The following TLDC2 variants were observed in gnomAD, a reference collection of about 807,000 sequenced individuals.
The protein encoded by TLDC2 is TBC/LysM-associated domain containing 2, also known as TLD domain-containing protein 2.
A neutral mutation model predicts 27.9 loss-of-function variants in TLDC2; 23 were observed. That is an observed-to-expected ratio of 0.82 (90% CI 0.59 to 1.17). The LOEUF (loss-of-function observed/expected upper bound fraction) is 1.17. Among genes scored for constraint, TLDC2 ranks in the 50% most tolerant of loss-of-function variants. TLDC2 has a pLI of 0.00. For synonymous variants in TLDC2, 124 were observed against 107.4 expected (o/e 1.16, Z -0.96); for missense variants, 286 against 273.4 (o/e 1.05, Z -0.32).
At chr20:36,876,687 ACACTCAAATG>A (rs912784504) in intron 1 of TLDC2, among the ~76,000 whole-genome samples, 13 of 151,938 alleles carry the variant, frequency 8.6e-5, no homozygotes, top group African/African-American at 2.4e-4. Context: ...ACACTCAAAC[ACACTCAAATG>A]CACTCATACA....
chr20:36,891,195 T>A (rs1289770418), intron 6 of TLDC2: 1 of 152,238 alleles, frequency 6.6e-6, no homozygotes, highest in Non-Finnish European at 1.5e-5. Context: ...CTCTTATGAA[T>A]TGTAACCAAC....
intron 4 of TLDC2, among the ~76,000 whole-genome samples, chr20:36,881,610 G>A (rs1055203097): frequency 6.6e-6 from 1 of 152,210 alleles, no homozygotes; most frequent in Non-Finnish European, 1.5e-5. Flanking sequence ...AGCAGAGAGT[G>A]GACAGCCAGG....
At chr20:36,880,454 A>G (rs1989788506) in intron 3 of TLDC2, among the ~76,000 whole-genome samples, 1 of 152,104 alleles carries the variant, frequency 6.6e-6, no homozygotes, top group Admixed American at 6.6e-5. Context: ...GGAAGGCAGC[A>G]GGAGTTCTTC....
In TLDC2 at chr20:36,893,488, A is replaced by G; in HGVS notation, c.*644A>G. The stretch of plus-strand genomic sequence containing the variant: ...GATGGCAAAGAAGGGGAGGAAGAAC[A>G]GTATGTACCTGCAGAATTTAAATTT... On this transcript the variant is annotated 3_prime_UTR_variant, in exon 7 of 7. Coordinates refer to ENST00000217320, the MANE Select transcript of TLDC2 (RefSeq NM_080628.3). 3.6e-6 allele frequency: 1 copy of G among 276,680 alleles called. No individual in the cohort carries two copies. The highest frequency in any genetic ancestry group is 6.8e-6 in the Non-Finnish European group (1 of 147,416). 17.1% of individuals were successfully genotyped at this position (276,680 alleles called of 1,614,324 possible). A position where few individuals can be genotyped will look rare whatever the true frequency, so the allele number is the denominator to read the frequency against.
chr20:36,888,502 C>T (rs1298348), intron 5 of TLDC2, among the ~76,000 whole-genome samples: 1 of 150,196 alleles, frequency 6.7e-6, no homozygotes, highest in African/African-American at 2.4e-5. Flanking sequence ...GTCAGGAGAT[C>T]GAGACCGTCC....
intron 6 of TLDC2, chr20:36,892,446 T>C (rs1306854080): frequency 5.1e-6 from 1 of 194,592 alleles, no homozygotes; most frequent in African/African-American, 2.4e-5. Flanking sequence ...TTCCAATTTG[T>C]ACCCTTGTCT....
At position 36,877,961 on chromosome 20, in the gene TLDC2, G is replaced by A; in HGVS notation, c.96G>A (p.Glu32=). ...GTAACGAAGAGGAAGAGGAGGAGGA[G>A]GCAGCTCCAGACCCAGCTGCTGCTC... The part of the protein sequence containing the change: ...EEGNEEEEEE[E]AAPDPAAAPE... The change falls in exon 2 of 7, where the codon GAG becomes GAA. Residue 32 remains glutamate (E), a synonymous_variant. Transcript: ENST00000217320. 1 of 1,614,096 alleles carries A rather than the reference G, an allele frequency of 6.2e-7. No individual in the cohort carries two copies.
At chr20:36,883,462 T>C (rs912333562) in intron 4 of TLDC2, among the ~76,000 whole-genome samples, 15 of 152,238 alleles carry the variant, frequency 9.9e-5, no homozygotes, top group Admixed American at 9.8e-4. Context: ...CAGCTTACCA[T>C]GTCCCAAACG....
At position 36,879,127 on chromosome 20, in the gene TLDC2, C is replaced by T. The variant is rs370958329; in HGVS notation, c.276C>T (p.Ser92=). The stretch of plus-strand genomic sequence containing the variant: ...CAAGGGACGGTTTCAGCCTGCAGAG[C>T]CTGTACCGGCGGATGGAGGGCTGCA... ...CTSRDGFSLQ[S]LYRRMEGCSG... is the part of the protein sequence containing the mutation. Residue 92 remains serine, a synonymous_variant, in exon 3 of 7, where the codon AGC becomes AGT. Coordinates refer to ENST00000217320, the MANE Select transcript of TLDC2 (RefSeq NM_080628.3). 4.1e-4 allele frequency: 657 copies of T among 1,614,142 alleles called. 5 individuals are homozygous for T. Among genetic ancestry groups the T allele is most frequent in the South Asian group, 1.5e-3 (136 of 91,084 alleles).
chr20:36,878,356 GGATC>G, intron 2 of TLDC2, among the ~76,000 whole-genome samples: 9 of 152,278 alleles, frequency 5.9e-5, no homozygotes, highest in South Asian at 4.1e-4. Context: ...GAAGGCAGGG[GGATC>G]GCTTGAGGCC....
At position 36,893,971 on chromosome 20, in the gene TLDC2, C is replaced by T. The variant is rs1990144023; in HGVS notation, c.*1127C>T. On this transcript the variant is annotated 3_prime_UTR_variant, in exon 7 of 7. Transcript: ENST00000217320. ...GGCAGAGAAGTCAGGTTTTTTCTCT[C>T]CCTACCTCCTCTGGCACGAGCGGCA... 2.5e-6 allele frequency: 1 copy of T among 398,428 alleles called. No individual in the cohort carries two copies. Among genetic ancestry groups the T allele is most frequent in the Admixed American group, 4.4e-5 (1 of 22,690 alleles). 24.7% of individuals were successfully genotyped at this position (398,428 alleles called of 1,614,324 possible). A position where few individuals can be genotyped will look rare whatever the true frequency, so the allele number is the denominator to read the frequency against.
rs889176988 is a variant in TLDC2 at position 36,883,755 on chromosome 20, C to T, written c.438+3005C>T. 2.6e-5 allele frequency among the ~76,000 whole-genome samples: 4 copies of T among 152,196 alleles called. No homozygotes were observed. The South Asian group carries it at 6.2e-4, about 24-fold the overall frequency. On this transcript the variant is annotated intron_variant, in intron 4 of 6. Transcript: ENST00000217320. ...CTATCACCTCCTAAAAGGTCTCTCA[C>T]TGCCTCCACTTCAGTCAGCACAGTA... is the stretch of plus-strand genomic sequence containing the variant.
At position 36,889,315 on chromosome 20, in the gene TLDC2, T is replaced by C. The variant is rs1299648190; in HGVS notation, c.577T>C (p.Phe193Leu). The change falls in exon 6 of 7, where the codon TTC becomes CTC. Residue 193 changes from phenylalanine (F) to leucine (L), a missense_variant. Phe to Leu is a conservative substitution (Grantham distance 22). Coordinates refer to ENST00000217320, the MANE Select transcript of TLDC2 (RefSeq NM_080628.3). ...FRGGSSPCPT[F>L]NNEVLARQEQ... ...CGGGGGAAGCTCCCCTTGCCCGACC[T>C]TCAACAACGAGGTGCTGGCCCGGCA... is the stretch of plus-strand genomic sequence containing the variant. 1 of 1,614,068 alleles carries C rather than the reference T, an allele frequency of 6.2e-7. No homozygotes were observed. The highest frequency in any genetic ancestry group is 2.2e-5 in the East Asian group (1 of 44,892).
chr20:36,889,015 C>G (rs1989991314), intron 5 of TLDC2, among the ~76,000 whole-genome samples: 1 of 152,014 alleles, frequency 6.6e-6, no homozygotes, highest in Non-Finnish European at 1.5e-5. Flanking sequence ...AAGCAAGACT[C>G]CGTTTCAATA....
In TLDC2 at chr20:36,877,918, C is replaced by G; in HGVS notation, c.53C>G (p.Thr18Ser). ...TTGCAGCCCAGCCAGGTGGAGGACA[C>G]CCTGTCTGGGGAGGAGGGTAACGAA... ...YTRLPSQVEDTLSGEEGNEEE... is the reference protein window; with the variant it reads ...YTRLPSQVEDSLSGEEGNEEE... Residue 18 changes from threonine (T) to serine (S), a missense_variant, in exon 2 of 7, where the codon ACC becomes AGC. By Grantham distance (58) the Thr-to-Ser change is moderately conservative. Coordinates refer to ENST00000217320, the MANE Select transcript of TLDC2 (RefSeq NM_080628.3). 5 of 1,613,482 alleles carry G rather than the reference C, an allele frequency of 3.1e-6. No homozygotes were observed. The highest frequency in any genetic ancestry group is 4.2e-6 in the Non-Finnish European group (5 of 1,179,762).
chr20:36,878,115 G>A lies in TLDC2; in HGVS notation c.189+61G>A, dbSNP rs1032898383. On this transcript the variant is annotated intron_variant, in intron 2 of 6. Transcript: ENST00000217320. ...CTAAACCTAAGAGTCTCACCCTCCT[G>A]CCCTACACCAGCCACGCCCAGGGGC... 17 of 1,538,736 alleles carry A rather than the reference G, an allele frequency of 1.1e-5. No individual in the cohort carries two copies. In the African/African-American group the frequency reaches 1.2e-4, roughly 11 times the overall value.
chr20:36,879,808 C>T (rs1265962916), intron 3 of TLDC2, among the ~76,000 whole-genome samples: 2 of 151,136 alleles, frequency 1.3e-5, no homozygotes, highest in East Asian at 3.9e-4. Flanking sequence ...ATCACTTGAG[C>T]CTGCAAGGCT....
rs575467187 is a variant in TLDC2 at position 36,880,840 on chromosome 20, G to A, written c.438+90G>A. The A allele has an allele frequency of 1.8e-5, 21 of 1,180,342 alleles. 1 individual carries two copies. Among genetic ancestry groups the A allele is most frequent in the African/African-American group, 4.5e-5 (3 of 66,514 alleles). 73.1% of individuals were successfully genotyped at this position (1,180,342 alleles called of 1,614,324 possible). ...AGTGGCTCCCAGCTCCATCCTCCAC[G>A]ATGGGCTGCCTGGTGTGCCACCATC... On this transcript the variant is annotated intron_variant, in intron 4 of 6. Transcript: ENST00000217320.
chr20:36,878,630 G>A lies in TLDC2; in HGVS notation c.190-411G>A, dbSNP rs1989728899. 2.6e-5 allele frequency among the ~76,000 whole-genome samples: 4 copies of A among 152,102 alleles called. No homozygotes were observed. In the South Asian group the frequency reaches 6.2e-4, roughly 24 times the overall value. On this transcript the variant is annotated intron_variant, in intron 2 of 6. Transcript: ENST00000217320. ...ATTCCTACCTAGAACCAGCCCTTGG[G>A]AACTGAGGCCAAAGCTGGAGAGGGG...
Sources: allele counts gnomAD v4.1 joint callset (sites outside exome capture counted in the v4.1 genomes callset), GRCh38; gene constraint gnomAD v4.1.1; transcripts MANE v1.5; gene names NCBI Gene and HGNC (gene_info 2026-07-23, HGNC 2026-07-21).